The following COL21A1 variants were observed in gnomAD, a reference collection of about 807,000 sequenced individuals.
COL21A1 encodes collagen alpha-1(XXI) chain.
COL21A1 carries 149 observed loss-of-function variants against 137.9 expected under a neutral mutation model. The observed-to-expected ratio is 1.08, with a 90% confidence interval of 0.95 to 1.24. The LOEUF is 1.24. Ranked by LOEUF, COL21A1 falls within the 50% of genes most tolerant of loss-of-function variation. COL21A1 has a pLI of 0.00. For missense variants in COL21A1, 1,167 were observed against 1,158.4 expected (o/e 1.01, Z -0.11); for synonymous variants, 456 against 391.5 (o/e 1.16, Z -1.95).
chr6:56,161,143 C>T (rs1453403225), intron 9 of COL21A1, among the ~76,000 whole-genome samples: 1 of 152,192 alleles, frequency 6.6e-6, no homozygotes, highest in Non-Finnish European at 1.5e-5. Context: ...CCCAATGAAT[C>T]TCTAATTGGC....
intron 1 of COL21A1, among the ~76,000 whole-genome samples, chr6:56,201,992 G>A (rs1779439028): frequency 6.6e-6 from 1 of 152,002 alleles, no homozygotes; most frequent in Admixed American, 6.6e-5. Flanking sequence ...CTGGCTTGAA[G>A]TATAAGAACA....
In COL21A1 at chr6:56,357,825, G is replaced by A. The variant is rs117602279; in HGVS notation, c.-39+36146C>T. Among the ~76,000 whole-genome samples the A allele has an allele frequency of 4.0e-3, 603 of 152,266 alleles. 12 individuals carry two copies. The highest frequency in any genetic ancestry group is 0.032 in the Admixed American group (491 of 15,282). ...AAGCCTTGCAGAAGAGGTATCAGTG[G>A]CATGGGAGATAATAGGCATCTTCTA... On this transcript the variant is annotated intron_variant, in intron 1 of 28. Transcript: ENST00000370819.
chr6:56,309,122 A>C (rs1376624025), intron 1 of COL21A1, among the ~76,000 whole-genome samples: 4 of 151,108 alleles, frequency 2.6e-5, no homozygotes, highest in Non-Finnish European at 4.4e-5. Flanking sequence ...AGCTCACTGC[A>C]ACCTCTGCCT....
chr6:56,216,682 C>T (rs887717900), intron 1 of COL21A1, among the ~76,000 whole-genome samples: 1 of 151,990 alleles, frequency 6.6e-6, no homozygotes, highest in African/African-American at 2.4e-5. Context: ...GATTCCAGTT[C>T]AATTCTTTTC....
chr6:56,061,204 G>C (rs1476661219), intron 25 of COL21A1, 167 bp from the exon 26 acceptor site: 1 of 621,168 alleles, frequency 1.6e-6, no homozygotes, highest in Non-Finnish European at 2.7e-6. Context: ...GAAATTTCAT[G>C]TCATATTAAA....
intron 16 of COL21A1, among the ~76,000 whole-genome samples, chr6:56,109,472 G>A (rs1312623337): frequency 2.0e-5 from 3 of 151,776 alleles, no homozygotes; most frequent in Non-Finnish European, 4.4e-5. Context: ...AGTTCCCTAG[G>A]AGAGTGAAGC....
At chr6:56,109,181 A>C (rs1277555178) in intron 16 of COL21A1, among the ~76,000 whole-genome samples, 2 of 151,794 alleles carry the variant, frequency 1.3e-5, no homozygotes, top group Admixed American at 6.5e-5. Context: ...GTAGGAAAAA[A>C]GAATAAAGAA....
intron 1 of COL21A1, among the ~76,000 whole-genome samples, chr6:56,274,975 T>C (rs974001534): frequency 3.3e-5 from 5 of 152,036 alleles, no homozygotes; most frequent in Non-Finnish European, 7.4e-5. Flanking sequence ...ACCATAAAGC[T>C]ACAGTAACCA....
chr6:56,336,500 C>T (rs576446001), intron 1 of COL21A1, among the ~76,000 whole-genome samples: 1 of 151,960 alleles, frequency 6.6e-6, no homozygotes, highest in Non-Finnish European at 1.5e-5. Context: ...ATGTTTTACC[C>T]AGATCCCTGA....
At chr6:56,315,530 T>C (rs1764710757) in intron 1 of COL21A1, among the ~76,000 whole-genome samples, 1 of 152,176 alleles carries the variant, frequency 6.6e-6, no homozygotes, top group Non-Finnish European at 1.5e-5. Flanking sequence ...CATCTTTAGA[T>C]CCGGGTTGAA....
intron 1 of COL21A1, chr6:56,332,232 A>G (rs1355634174): frequency 6.6e-6 from 1 of 152,030 alleles, no homozygotes; most frequent in Admixed American, 6.6e-5. Context: ...TGCCTTGTGC[A>G]GTATAGTTAT....
intron 1 of COL21A1, among the ~76,000 whole-genome samples, chr6:56,185,488 T>G (rs1447172079): frequency 7.3e-6 from 1 of 136,262 alleles, no homozygotes; most frequent in East Asian, 2.5e-4. Flanking sequence ...GACTGCGGAC[T>G]GCAGTGGCGC....
chr6:56,307,614 C>T (rs1278416437), intron 1 of COL21A1, among the ~76,000 whole-genome samples: 5 of 152,194 alleles, frequency 3.3e-5, no homozygotes, highest in Admixed American at 2.0e-4. Context: ...TTCCAGGTGC[C>T]GTCTGTCACC....
chr6:56,253,925 T>G (rs147408287), intron 1 of COL21A1, among the ~76,000 whole-genome samples: 1,649 of 152,316 alleles, frequency 0.011, 15 homozygotes, highest in Non-Finnish European at 0.015. Context: ...TCGGAAAGCA[T>G]GTTCTTAGAT....
intron 1 of COL21A1, among the ~76,000 whole-genome samples, chr6:56,204,102 C>A (rs1779587787): frequency 6.6e-6 from 1 of 151,970 alleles, no homozygotes; most frequent in South Asian, 2.1e-4. Flanking sequence ...TTTTTTAATA[C>A]CCCAGTGTCA....
At chr6:56,128,174 G>C (rs1177996177) in intron 12 of COL21A1, among the ~76,000 whole-genome samples, 1 of 152,122 alleles carries the variant, frequency 6.6e-6, no homozygotes, top group Admixed American at 6.5e-5. Context: ...TTGTTTGCTT[G>C]TTTTTGGTTA....
intron 21 of COL21A1, among the ~76,000 whole-genome samples, chr6:56,069,731 CAT>C (rs1417375453): frequency 1.3e-5 from 2 of 150,362 alleles, no homozygotes; most frequent in African/African-American, 2.4e-5. Context: ...TTTTTCATAA[CAT>C]AAGTTTTAAT....
intron 1 of COL21A1, among the ~76,000 whole-genome samples, chr6:56,209,073 A>G (rs1779983705): frequency 1.3e-5 from 2 of 152,162 alleles, no homozygotes; most frequent in South Asian, 4.1e-4. Flanking sequence ...TAAAAACCCT[A>G]GAATAAAACC....
chr6:56,237,780 A>G (rs1782007178), intron 1 of COL21A1, among the ~76,000 whole-genome samples: 2 of 152,164 alleles, frequency 1.3e-5, no homozygotes, highest in African/African-American at 4.8e-5. Context: ...ACTATTCTAC[A>G]GAGGCAACTG....
Sources: gnomAD v4.1 joint callset for allele counts (sites outside exome capture counted in the v4.1 genomes callset) on GRCh38, gnomAD v4.1.1 for gene constraint, MANE v1.5 for transcripts, NCBI Gene and HGNC (gene_info 2026-07-23, HGNC 2026-07-21) for gene names.